CHD1L: variants seen among roughly 807,000 people sequenced by gnomAD.
CHD1L encodes the protein ATP-dependent chromatin remodeler CHD1L.
CHD1L carries 118 observed loss-of-function variants against 115.9 expected under a neutral mutation model. The observed-to-expected ratio is 1.02, with a 90% CI of 0.88 to 1.19. CHD1L has a LOEUF of 1.19. Among genes scored for constraint, CHD1L ranks in the 50% most tolerant of loss-of-function variants. The probability of loss-of-function intolerance (pLI) is 0.00; values close to 1 mark genes in which losing one functional copy is unlikely to be tolerated. For missense variants in CHD1L, 1,179 were observed against 1,065.3 expected (o/e 1.11, Z -1.49); for synonymous variants, 411 against 387.1 (o/e 1.06, Z -0.72).
intron 4 of CHD1L, 27 bp from the exon 5 acceptor site, chr1:147,256,502 CTT>C: frequency 7.5e-6 from 12 of 1,604,918 alleles, no homozygotes; most frequent in Non-Finnish European, 1.0e-5. Context: ...CAATGCCAGC[CTT>C]TATAACGTGT....
intron 5 of CHD1L, among the ~76,000 whole-genome samples, chr1:147,258,379 A>G (rs1188035772): frequency 6.6e-6 from 1 of 152,102 alleles, no homozygotes; most frequent in East Asian, 1.9e-4. Context: ...CATTTTTTGG[A>G]CACCTAAATG....
At chr1:147,178,093 C>CCGCGACCCTTCCGGCTGT in the CHD1L span, 1 of 1,496,318 alleles carries the variant, frequency 6.7e-7, no homozygotes, top group Admixed American at 1.9e-5. Flanking sequence ...CTTCCGGCTG[C>CCGCGACCCTTCCGGCTGT]CCCCACCCCA....
intron 20 of CHD1L, among the ~76,000 whole-genome samples, chr1:147,293,225 G>A (rs1553972207): frequency 6.6e-6 from 1 of 152,124 alleles, no homozygotes; most frequent in Non-Finnish European, 1.5e-5. Flanking sequence ...TTGTCCTGGG[G>A]GTTGTGGAGC....
At chr1:147,194,574 T>C in the CHD1L span, among the ~76,000 whole-genome samples, 43 of 152,234 alleles carry the variant, frequency 2.8e-4, no homozygotes, top group Middle Eastern at 0.017. Context: ...TTATTTTGCT[T>C]GTTAGTTGAT....
chr1:147,272,535 G>A, intron 12 of CHD1L: 2 of 305,404 alleles, frequency 6.5e-6, no homozygotes, highest in Non-Finnish European at 1.2e-5. Context: ...CCATTGACCT[G>A]GGAATGTCCT....
At chr1:147,275,520 G>T (rs1553957015) in intron 13 of CHD1L, 52 bp downstream of exon 13, 5 of 1,371,436 alleles carry the variant, frequency 3.6e-6, no homozygotes, top group Admixed American at 3.4e-5. Flanking sequence ...GTTCTGGGTT[G>T]TGAAAAAGGT....
chr1:147,250,331 A>G (rs782765793), intron 1 of CHD1L, among the ~76,000 whole-genome samples: 11 of 152,188 alleles, frequency 7.2e-5, no homozygotes, highest in South Asian at 2.1e-4. Context: ...TTTTTTTTAA[A>G]TCATGTTTAA....
chr1:147,267,030 T>A (rs1553948933), intron 8 of CHD1L, among the ~76,000 whole-genome samples: 1 of 152,194 alleles, frequency 6.6e-6, no homozygotes, highest in Non-Finnish European at 1.5e-5. Flanking sequence ...ACTGCTGTAT[T>A]TAAGAGAGTG....
chr1:147,208,745 G>T, the CHD1L span: 3 of 911,792 alleles, frequency 3.3e-6, no homozygotes, highest in Non-Finnish European at 5.2e-6. Context: ...AGCCACTGTG[G>T]GTTTTCTTAA....
intron 1 of CHD1L, among the ~76,000 whole-genome samples, chr1:147,244,716 C>T (rs1431596718): frequency 3.9e-5 from 6 of 152,038 alleles, no homozygotes; most frequent in Non-Finnish European, 8.8e-5. Context: ...ATTCAGTCTT[C>T]TTCAACATCA....
At chr1:147,215,830 A>T in the CHD1L span, 1 of 1,613,614 alleles carries the variant, frequency 6.2e-7, no homozygotes, top group Non-Finnish European at 8.5e-7. Flanking sequence ...GGCATTATGC[A>T]TGAAGTTGGG....
chr1:147,261,771 T>TGGGTTGCAG (rs1672017046), intron 6 of CHD1L, among the ~76,000 whole-genome samples: 1 of 152,194 alleles, frequency 6.6e-6, no homozygotes, highest in Admixed American at 6.5e-5. Flanking sequence ...ATCTAAGCAT[T>TGGGTTGCAG]CCTTTTTAGA....
the CHD1L span, chr1:147,225,294 C>T: frequency 1.4e-6 from 1 of 736,068 alleles, no homozygotes; most frequent in Non-Finnish European, 2.0e-6. Flanking sequence ...CACCGCCTTT[C>T]CTGAAGCGCT....
At chr1:147,273,286 A>C (rs782068924) in intron 12 of CHD1L, among the ~76,000 whole-genome samples, 22 of 152,198 alleles carry the variant, frequency 1.4e-4, no homozygotes, top group Admixed American at 2.0e-4. Context: ...GAGTACATGC[A>C]GGAACATGAA....
At chr1:147,186,015 G>A in the CHD1L span, among the ~76,000 whole-genome samples, 1 of 152,124 alleles carries the variant, frequency 6.6e-6, no homozygotes, top group African/African-American at 2.4e-5. Flanking sequence ...TCCATGTAAG[G>A]GAGGAGAAAA....
the CHD1L span, among the ~76,000 whole-genome samples, chr1:147,182,608 G>A: frequency 6.6e-6 from 1 of 152,184 alleles, no homozygotes; most frequent in African/African-American, 2.4e-5. Flanking sequence ...CCAACTACAG[G>A]AGTAGTTTTA....
At chr1:147,279,949 C>G (rs1680158082) in intron 14 of CHD1L, 77 bp from the exon 15 acceptor site, 3 of 1,482,896 alleles carry the variant, frequency 2.0e-6, no homozygotes, top group African/African-American at 1.4e-5. Flanking sequence ...TGTCGTTAAT[C>G]CACTTAGCCA....
chr1:147,176,560 G>A, the CHD1L span, among the ~76,000 whole-genome samples: 7 of 152,156 alleles, frequency 4.6e-5, no homozygotes, highest in Non-Finnish European at 8.8e-5. Flanking sequence ...CTGCTCTAGA[G>A]GAGCACATGC....
At chr1:147,247,665 A>G (rs1444264430) in intron 1 of CHD1L, among the ~76,000 whole-genome samples, 2 of 152,194 alleles carry the variant, frequency 1.3e-5, no homozygotes, top group African/African-American at 4.8e-5. Context: ...ATGGACTAAG[A>G]CAGGCCCTGA....
Sources: allele counts gnomAD v4.1 joint callset (sites outside exome capture counted in the v4.1 genomes callset), GRCh38; gene constraint gnomAD v4.1.1; transcripts MANE v1.5; gene names NCBI Gene and HGNC (gene_info 2026-07-23, HGNC 2026-07-21).